TEAD1: variants seen among roughly 807,000 people sequenced by gnomAD.
TEAD1 encodes transcriptional enhancer factor TEF-1.
In TEAD1, 9 loss-of-function variants were observed where a neutral mutation model predicts 54.9. The observed-to-expected ratio is 0.16, with a 90% CI of 0.10 to 0.29. The LOEUF is 0.29. Among genes scored for constraint, TEAD1 ranks in the 10% least tolerant of loss-of-function variants. TEAD1 has a pLI of 1.00. For missense variants in TEAD1, 387 were observed against 535.9 expected (o/e 0.72, Z 2.74); for synonymous variants, 200 against 187.8 (o/e 1.07, Z -0.53).
chr11:12,674,964 G>C (rs1195832008), intron 1 of TEAD1, 130 bp downstream of exon 1: 1 of 142,574 alleles, frequency 7.0e-6, no homozygotes, highest in African/African-American at 2.5e-5. Flanking sequence ...GGGCGGGCAC[G>C]CGGAGGGCCG....
intron 3 of TEAD1, among the ~76,000 whole-genome samples, chr11:12,792,312 A>G (rs1945819943): frequency 6.6e-6 from 1 of 151,766 alleles, no homozygotes; most frequent in Non-Finnish European, 1.5e-5. Flanking sequence ...AAGGGTAAAG[A>G]TAATATAAAA....
At chr11:12,863,080 A>AT (rs1947540169) in intron 4 of TEAD1, among the ~76,000 whole-genome samples, 1 of 152,214 alleles carries the variant, frequency 6.6e-6, no homozygotes, top group Non-Finnish European at 1.5e-5. Context: ...GAAAAGAATT[A>AT]TTTTTTAATG....
chr11:12,859,650 A>G (rs1947459868), intron 3 of TEAD1, among the ~76,000 whole-genome samples: 1 of 152,226 alleles, frequency 6.6e-6, no homozygotes, highest in Admixed American at 6.5e-5. Context: ...GCAATCCTCA[A>G]AACTGAATTT....
At chr11:12,809,146 T>C (rs1313665295) in intron 3 of TEAD1, among the ~76,000 whole-genome samples, 2 of 152,162 alleles carry the variant, frequency 1.3e-5, no homozygotes, top group Admixed American at 1.3e-4. Context: ...GCATGGCAAG[T>C]GTGAACATGT....
At chr11:12,788,139 CTTTTTTT>C (rs541990107) in intron 3 of TEAD1, among the ~76,000 whole-genome samples, 39 of 129,290 alleles carry the variant, frequency 3.0e-4, no homozygotes, top group African/African-American at 1.0e-3. Flanking sequence ...CTAATTTTGT[CTTTTTTT>C]TTTTTTTTTG....
intron 3 of TEAD1, among the ~76,000 whole-genome samples, chr11:12,802,702 G>C (rs1434685870): frequency 6.6e-6 from 1 of 152,138 alleles, no homozygotes; most frequent in East Asian, 1.9e-4. Flanking sequence ...GCATGTGGCC[G>C]ACCCGACCGG....
intron 3 of TEAD1, among the ~76,000 whole-genome samples, chr11:12,824,864 C>G (rs1946618842): frequency 6.6e-6 from 1 of 152,224 alleles, no homozygotes; most frequent in African/African-American, 2.4e-5. Flanking sequence ...CGGACTGTTG[C>G]TGCCCTTGTT....
intron 2 of TEAD1, among the ~76,000 whole-genome samples, chr11:12,698,839 A>G (rs1014513095): frequency 2.0e-5 from 3 of 152,154 alleles, no homozygotes; most frequent in African/African-American, 7.2e-5. Flanking sequence ...CTTCAGGGAA[A>G]CTTCAGGGAG....
intron 5 of TEAD1, among the ~76,000 whole-genome samples, chr11:12,878,510 C>A (rs931343457): frequency 6.6e-6 from 1 of 152,178 alleles, no homozygotes; most frequent in Non-Finnish European, 1.5e-5. Context: ...GCACCGGTAG[C>A]CTTTATATGC....
At chr11:12,712,524 T>C (rs1055726928) in intron 2 of TEAD1, among the ~76,000 whole-genome samples, 1 of 152,230 alleles carries the variant, frequency 6.6e-6, no homozygotes, top group African/African-American at 2.4e-5. Context: ...GAAATGATAG[T>C]GTACTTATTT....
At chr11:12,897,908 C>T (rs1206762571) in intron 9 of TEAD1, among the ~76,000 whole-genome samples, 6 of 152,184 alleles carry the variant, frequency 3.9e-5, no homozygotes, top group Non-Finnish European at 7.3e-5. Flanking sequence ...TTAATGTTTG[C>T]AGCAAACGCA....
chr11:12,790,563 C>A (rs1218640714), intron 3 of TEAD1, among the ~76,000 whole-genome samples: 1 of 152,254 alleles, frequency 6.6e-6, no homozygotes, highest in East Asian at 1.9e-4. Context: ...AGTGAAGGAA[C>A]CCTTGTATTT....
intron 12 of TEAD1, among the ~76,000 whole-genome samples, chr11:12,936,061 C>T (rs1219312456): frequency 6.6e-6 from 1 of 152,160 alleles, no homozygotes; most frequent in Admixed American, 6.5e-5. Flanking sequence ...GGAAGAGGCT[C>T]TCAAGTTCAA....
At chr11:12,857,578 CTGTGTGTGTGTGTG>C (rs10694132) in intron 3 of TEAD1, among the ~76,000 whole-genome samples, 1 of 145,848 alleles carries the variant, frequency 6.9e-6, no homozygotes, top group African/African-American at 2.6e-5. Context: ...CTCTCTGTCT[CTGTGTGTGTGTGTG>C]TGTGTGTGTG....
intron 7 of TEAD1, 36 bp from the exon 8 acceptor site, chr11:12,881,860 A>G (rs1348714618): frequency 6.2e-7 from 1 of 1,610,580 alleles, no homozygotes; most frequent in East Asian, 2.2e-5. Flanking sequence ...TGCAGATGCG[A>G]TCTCTTAACT....
chr11:12,851,225 A>T (rs138656348), intron 3 of TEAD1: 1 of 379,686 alleles, frequency 2.6e-6, no homozygotes, highest in African/African-American at 2.2e-5. Flanking sequence ...ACAACAGAGG[A>T]TACTAAGAAC....
intron 2 of TEAD1, among the ~76,000 whole-genome samples, chr11:12,716,675 A>T (rs1478398942): frequency 6.6e-6 from 1 of 152,198 alleles, no homozygotes; most frequent in African/African-American, 2.4e-5. Flanking sequence ...AAACCAGTGG[A>T]TGTGGCTATG....
At chr11:12,857,305 C>T (rs1036529144) in intron 3 of TEAD1, among the ~76,000 whole-genome samples, 2 of 152,054 alleles carry the variant, frequency 1.3e-5, no homozygotes, top group African/African-American at 2.4e-5. Context: ...TATGTGCAGC[C>T]GGTGGGAAAG....
At chr11:12,753,779 G>T (rs1187946386) in intron 2 of TEAD1, among the ~76,000 whole-genome samples, 1 of 152,110 alleles carries the variant, frequency 6.6e-6, no homozygotes, top group African/African-American at 2.4e-5. Flanking sequence ...CTCCTGATTA[G>T]TGCTTTTGTG....
Sources: allele counts gnomAD v4.1 joint callset (sites outside exome capture counted in the v4.1 genomes callset), GRCh38; gene constraint gnomAD v4.1.1; transcripts MANE v1.5; gene names NCBI Gene and HGNC (gene_info 2026-07-23, HGNC 2026-07-21).